Variants in KLHL14 observed in about 807,000 individuals in gnomAD.
The protein encoded by KLHL14 is kelch like family member 14.
A neutral mutation model predicts 64.3 loss-of-function variants in KLHL14; 22 were observed. The observed-to-expected ratio is 0.34, with a 90% CI of 0.24 to 0.49. The LOEUF is 0.49. Ranked by LOEUF, KLHL14 falls within the 20% of genes least tolerant of loss-of-function variation. KLHL14 has a pLI of 0.99. For synonymous variants in KLHL14, 322 were observed against 333.4 expected (o/e 0.97, Z 0.37); for missense variants, 661 against 789.0 (o/e 0.84, Z 1.94).
At chr18:32,677,049 A>G in intron 8 of KLHL14, 124 bp downstream of exon 8, 1 of 1,053,884 alleles carries the variant, frequency 9.5e-7, no homozygotes, top group South Asian at 1.7e-5. Flanking sequence ...AAAGCAACTG[A>G]CTGCTTGCAT....
At chr18:32,684,468 C>T (rs533687782) in intron 5 of KLHL14, among the ~76,000 whole-genome samples, 3 of 152,148 alleles carry the variant, frequency 2.0e-5, no homozygotes, top group Admixed American at 2.0e-4. Flanking sequence ...AATCTTGCAG[C>T]TCCATCTCTC....
intron 3 of KLHL14, among the ~76,000 whole-genome samples, chr18:32,698,072 C>A (rs1001299419): frequency 6.6e-6 from 1 of 152,144 alleles, no homozygotes; most frequent in Non-Finnish European, 1.5e-5. Flanking sequence ...AATCTATATT[C>A]AATCAATGTT....
At chr18:32,706,469 T>C (rs1051026966) in intron 3 of KLHL14, among the ~76,000 whole-genome samples, 1 of 152,210 alleles carries the variant, frequency 6.6e-6, no homozygotes, top group Non-Finnish European at 1.5e-5. Context: ...CTGGCAAAAC[T>C]AGATATTCAC....
At chr18:32,741,902 A>C in intron 3 of KLHL14, 26 bp downstream of exon 3, 1 of 1,513,904 alleles carries the variant, frequency 6.6e-7, no homozygotes. Flanking sequence ...TAGGTGAGTG[A>C]ATAAATAAAT....
intron 3 of KLHL14, chr18:32,740,897 CAT>C (rs1333066974): frequency 1.3e-5 from 2 of 152,182 alleles, no homozygotes; most frequent in Non-Finnish European, 2.9e-5. Context: ...CACCACCACA[CAT>C]GTCTCTGCTC....
intron 3 of KLHL14, among the ~76,000 whole-genome samples, chr18:32,721,222 A>G (rs2050078158): frequency 6.6e-6 from 1 of 152,188 alleles, no homozygotes; most frequent in African/African-American, 2.4e-5. Flanking sequence ...GAGACAAAAA[A>G]GGGGCAAAAC....
chr18:32,712,075 T>C (rs13339718), intron 3 of KLHL14, among the ~76,000 whole-genome samples: 7,117 of 151,780 alleles, frequency 0.047, 503 homozygotes, highest in African/African-American at 0.16. Context: ...TAAAGTTTTA[T>C]TGGAACACAG....
At chr18:32,723,070 AGTGGAATCAT>A (rs1224647249) in intron 3 of KLHL14, among the ~76,000 whole-genome samples, 1 of 152,180 alleles carries the variant, frequency 6.6e-6, no homozygotes, top group Non-Finnish European at 1.5e-5. Context: ...AGGCTTGTGC[AGTGGAATCAT>A]GTCACTCCCC....
intron 3 of KLHL14, among the ~76,000 whole-genome samples, chr18:32,732,018 C>CAA (rs998819724): frequency 6.6e-6 from 1 of 152,058 alleles, no homozygotes; most frequent in African/African-American, 2.4e-5. Context: ...GTCAGGAGTT[C>CAA]AAGACCAGCT....
At position 32,674,139 on chromosome 18, in the gene KLHL14, T is replaced by G. The variant is rs1242150820; in HGVS notation, c.*518A>C. The G allele has an allele frequency of 6.6e-6, 1 of 152,600 alleles. No individual in the cohort carries two copies. The allele number at this position is 152,600 out of a possible 1,614,324, so 9.5% of individuals were successfully genotyped here. On this transcript the variant is annotated 3_prime_UTR_variant, in exon 9 of 9. Transcript: ENST00000359358. ...ATGCCTCTCTTTAATCTTACATGAT[T>G]TTCAATAACAGTGTTGCCAATGGAG...
chr18:32,770,229 G>A lies in KLHL14; in HGVS notation c.363C>T (p.Ala121=). 6.2e-7 allele frequency: 1 copy of A among 1,604,006 alleles called. No individual in the cohort carries two copies. Among genetic ancestry groups the A allele is most frequent in the Non-Finnish European group, 8.5e-7 (1 of 1,172,748 alleles). ...AGCCCTGCAGCACCAGGTTGTTGAT[G>A]GCCCGGGGGCTGGTCAGCAGCTTGT... ...PDDKLLTSPR[A]INNLVLQGCS... is the part of the protein sequence containing the mutation. Residue 121 remains alanine (A), a synonymous_variant, in exon 2 of 9, where the codon GCC becomes GCT. Coordinates refer to ENST00000359358, the MANE Select transcript of KLHL14 (RefSeq NM_020805.3). The surrounding 1 kb of genome is among the most constrained non-coding windows in gnomAD (Gnocchi z 6.7).
intron 3 of KLHL14, among the ~76,000 whole-genome samples, chr18:32,720,157 G>A (rs754368029): frequency 1.3e-5 from 2 of 152,222 alleles, no homozygotes; most frequent in Non-Finnish European, 2.9e-5. Flanking sequence ...GGAGGAAGAT[G>A]TGTGGGATAG....
chr18:32,757,648 T>G (rs1418368528), intron 2 of KLHL14, among the ~76,000 whole-genome samples: 1 of 152,206 alleles, frequency 6.6e-6, no homozygotes, highest in East Asian at 1.9e-4. Context: ...ATATTTCTTA[T>G]GTGTCTTTAA....
chr18:32,756,112 C>A (rs2050280108), intron 2 of KLHL14, among the ~76,000 whole-genome samples: 1 of 152,120 alleles, frequency 6.6e-6, no homozygotes, highest in Admixed American at 6.5e-5. Context: ...GGAGATAGAG[C>A]TTTTAAGGAG....
chr18:32,758,153 C>T (rs898532200), intron 2 of KLHL14, among the ~76,000 whole-genome samples: 3 of 151,794 alleles, frequency 2.0e-5, no homozygotes, highest in African/African-American at 7.3e-5. Context: ...GATGGTGTCT[C>T]GCTCTATTGC....
intron 2 of KLHL14, among the ~76,000 whole-genome samples, chr18:32,749,775 C>G (rs921398764): frequency 6.6e-6 from 1 of 152,022 alleles, no homozygotes; most frequent in Non-Finnish European, 1.5e-5. Flanking sequence ...TCTGGTGGTA[C>G]AGCAGCAATG....
intron 3 of KLHL14, among the ~76,000 whole-genome samples, chr18:32,736,192 A>C (rs982497469): frequency 6.6e-6 from 1 of 152,200 alleles, no homozygotes; most frequent in Non-Finnish European, 1.5e-5. Flanking sequence ...CTAGGTACCC[A>C]GCTTCCTTGA....
In KLHL14 at chr18:32,770,975, C is replaced by T. The variant is rs1220923663; in HGVS notation, c.-43-341G>A. On this transcript the variant is annotated intron_variant, in intron 1 of 8. Transcript: ENST00000359358. The surrounding 1 kb of genome is among the most constrained non-coding windows in gnomAD (Gnocchi z 6.7). ...GCAGCAACAGCAGTGGCAGCAGCGA[C>T]GGCAAAGTGGCGGCTGAGGCCGAGG... 2.3e-6 allele frequency: 1 copy of T among 429,794 alleles called. No homozygotes were observed. The highest frequency in any genetic ancestry group is 4.6e-6 in the Non-Finnish European group (1 of 216,440). 26.6% of individuals were successfully genotyped at this position (429,794 alleles called of 1,614,324 possible).
intron 1 of KLHL14, among the ~76,000 whole-genome samples, chr18:32,771,531 C>A (rs970083117): frequency 2.0e-5 from 3 of 152,144 alleles, no homozygotes; most frequent in African/African-American, 7.2e-5. Context: ...CCGGTGGCCC[C>A]CTCTCCCCCG....
Sources: gnomAD v4.1 joint callset for allele counts (sites outside exome capture counted in the v4.1 genomes callset) on GRCh38, gnomAD v4.1.1 for gene constraint, Gnocchi (gnomAD v3.1) non-coding constraint, MANE v1.5 for transcripts, NCBI Gene and HGNC (gene_info 2026-07-23, HGNC 2026-07-21) for gene names.